The following KCNIP4 variants were observed in gnomAD, a reference collection of about 807,000 sequenced individuals.
The protein encoded by KCNIP4 is Kv channel-interacting protein 4.
In KCNIP4, 12 loss-of-function variants were observed where a neutral mutation model predicts 34.0. That is an observed-to-expected ratio of 0.35 (90% CI 0.23 to 0.57). The LOEUF (loss-of-function observed/expected upper bound fraction) is 0.57, where lower values mean the gene tolerates loss of function less well. KCNIP4 is among the 20% of genes least tolerant of loss of function. The pLI, the probability that KCNIP4 is intolerant of heterozygous loss-of-function variation, is 0.83. For missense variants in KCNIP4, 238 were observed against 311.7 expected, an observed-to-expected ratio of 0.76 and a Z score of 1.78; for synonymous variants, 124 against 102.2, an observed-to-expected ratio of 1.21 and a Z score of -1.29.
At chr4:21,105,812 T>C (rs890874215) in intron 1 of KCNIP4, among the ~76,000 whole-genome samples, 3 of 151,714 alleles carry the variant, frequency 2.0e-5, no homozygotes, top group African/African-American at 7.3e-5. Context: ...TGAAGGGTTG[T>C]TGAATTTTGT....
chr4:21,905,377 C>T (rs921570464), intron 1 of KCNIP4, among the ~76,000 whole-genome samples: 6 of 152,124 alleles, frequency 3.9e-5, no homozygotes, highest in African/African-American at 1.2e-4. Flanking sequence ...GCTGATGCAG[C>T]TTGCACATGG....
chr4:21,739,127 A>T (rs2109125328), intron 1 of KCNIP4, among the ~76,000 whole-genome samples: 1 of 152,250 alleles, frequency 6.6e-6, no homozygotes, highest in Non-Finnish European at 1.5e-5. Context: ...ACATAGACTT[A>T]TTGTAAAATT....
rs1355977617 is a variant in KCNIP4 at position 20,728,871 on chromosome 4, G to A, written c.*1211C>T. 3.9e-5 allele frequency: 6 copies of A among 152,426 alleles called. No individual in the cohort carries two copies. Among genetic ancestry groups the A allele is most frequent in the Non-Finnish European group, 5.9e-5 (4 of 68,030 alleles). The allele number at this position is 152,426 out of a possible 1,614,324, so 9.4% of individuals were successfully genotyped here. A position where few individuals can be genotyped will look rare whatever the true frequency, so the allele number is the denominator to read the frequency against. On this transcript the variant is annotated 3_prime_UTR_variant, in exon 9 of 9. Transcript: ENST00000382152. ...TGTGATATTTCTACAAAACAGGGAC[G>A]ATGTGTGTGGCTTTAGTAATGTGGC...
rs567770822 is a variant in KCNIP4 at position 20,899,661 on chromosome 4, C to G, written c.62-16952G>C. ...TGCAACTTGAAAATAATGCAATACACAAGTTTTTGTTACATTTGTCAAGAA... is the reference window on the plus strand; with the variant it reads ...TGCAACTTGAAAATAATGCAATACAGAAGTTTTTGTTACATTTGTCAAGAA... On this transcript the variant is annotated intron_variant, in intron 1 of 8. Transcript: ENST00000382152. 3.9e-4 allele frequency among the ~76,000 whole-genome samples: 59 copies of G among 152,258 alleles called. 1 individual carries two copies. Among genetic ancestry groups the G allele is most frequent in the Admixed American group, 1.8e-3 (27 of 15,294 alleles).
intron 3 of KCNIP4, among the ~76,000 whole-genome samples, chr4:20,804,498 C>T (rs1455720211): frequency 6.6e-6 from 1 of 152,058 alleles, no homozygotes; most frequent in African/African-American, 2.4e-5. Flanking sequence ...TCTTTTTCTT[C>T]TAAAACCACA....
At chr4:20,957,579 G>A (rs1012117967) in intron 1 of KCNIP4, among the ~76,000 whole-genome samples, 1 of 93,966 alleles carries the variant, frequency 1.1e-5, no homozygotes, top group Non-Finnish European at 2.2e-5. Flanking sequence ...CTAATCTGTA[G>A]CCTTCTCACC....
intron 1 of KCNIP4, among the ~76,000 whole-genome samples, chr4:21,110,697 A>T (rs555777208): frequency 1.3e-5 from 2 of 152,186 alleles, no homozygotes; most frequent in African/African-American, 2.4e-5. Context: ...TTGAGAGGCA[A>T]TTAGGTCATG....
chr4:21,501,248 T>TCTCA (rs764571152), intron 1 of KCNIP4, among the ~76,000 whole-genome samples: 102 of 104,288 alleles, frequency 9.8e-4, no homozygotes, highest in South Asian at 2.0e-3. Flanking sequence ...TCTCTCTCTC[T>TCTCA]CACACACACA....
chr4:21,193,686 C>T (rs553801458), intron 1 of KCNIP4, among the ~76,000 whole-genome samples: 1 of 151,456 alleles, frequency 6.6e-6, no homozygotes, highest in Non-Finnish European at 1.5e-5. Flanking sequence ...ATTCTCCTGC[C>T]TCAGCCTCCC....
intron 1 of KCNIP4, among the ~76,000 whole-genome samples, chr4:21,491,532 G>T (rs1472631846): frequency 6.6e-6 from 1 of 152,020 alleles, no homozygotes; most frequent in Non-Finnish European, 1.5e-5. Flanking sequence ...GTGCTACCAT[G>T]CTGGGCAAAT....
chr4:21,309,902 G>A (rs1183822835), intron 1 of KCNIP4, among the ~76,000 whole-genome samples: 6 of 152,118 alleles, frequency 3.9e-5, no homozygotes, highest in Admixed American at 1.3e-4. Context: ...TAGGGGAATC[G>A]AACTAAGATC....
intron 1 of KCNIP4, among the ~76,000 whole-genome samples, chr4:21,392,073 A>G (rs1284968334): frequency 1.3e-5 from 2 of 152,198 alleles, no homozygotes; most frequent in East Asian, 3.9e-4. Context: ...TATTTTACTG[A>G]GACTACCAAC....
At chr4:21,026,755 T>C (rs1740589693) in intron 1 of KCNIP4, among the ~76,000 whole-genome samples, 1 of 152,230 alleles carries the variant, frequency 6.6e-6, no homozygotes, top group Admixed American at 6.5e-5. Context: ...TTCTTTTTCC[T>C]GCAAGGACAA....
intron 1 of KCNIP4, among the ~76,000 whole-genome samples, chr4:21,216,869 T>A (rs1757623590): frequency 6.6e-6 from 1 of 152,180 alleles, no homozygotes; most frequent in African/African-American, 2.4e-5. Context: ...TGGGAAAGAT[T>A]TCCCAAAGAC....
intron 1 of KCNIP4, among the ~76,000 whole-genome samples, chr4:21,035,957 C>G (rs1741409688): frequency 6.6e-6 from 1 of 152,190 alleles, no homozygotes; most frequent in Admixed American, 6.5e-5. Flanking sequence ...GCCTAGCTCT[C>G]TTGCCTTAAG....
chr4:20,928,492 A>G (rs1303261723), intron 1 of KCNIP4, among the ~76,000 whole-genome samples: 5 of 151,958 alleles, frequency 3.3e-5, no homozygotes, highest in Non-Finnish European at 5.9e-5. Flanking sequence ...AAGGTTTATA[A>G]CAATAAATGC....
At chr4:20,952,827 T>G (rs1732916396) in intron 1 of KCNIP4, among the ~76,000 whole-genome samples, 1 of 152,252 alleles carries the variant, frequency 6.6e-6, no homozygotes, top group African/African-American at 2.4e-5. Flanking sequence ...CAGAATTTAT[T>G]GCTCATAGCT....
rs1178009649 is a variant in KCNIP4, at chr4:21,374,335, A to T, written c.62-491626T>A. ...GTGAAAGGCAAAAGGCACAACTTAC[A>T]TGGCAGCAGGCAAGAGAGAGAATGA... On this transcript the variant is annotated intron_variant, in intron 1 of 8. Transcript: ENST00000382152. 1.4e-5 allele frequency among the ~76,000 whole-genome samples: 2 copies of T among 147,304 alleles called. 1 individual carries two copies. Among genetic ancestry groups the T allele is most frequent in the African/African-American group, 5.4e-5 (2 of 36,938 alleles).
intron 3 of KCNIP4, among the ~76,000 whole-genome samples, chr4:20,773,513 G>A (rs981522154): frequency 2.0e-5 from 3 of 152,152 alleles, no homozygotes; most frequent in Non-Finnish European, 2.9e-5. Context: ...GAACGCTTCC[G>A]AGGGCTCTCT....
Sources: gnomAD v4.1 joint callset for allele counts (sites outside exome capture counted in the v4.1 genomes callset) on GRCh38, gnomAD v4.1.1 for gene constraint, MANE v1.5 for transcripts, NCBI Gene and HGNC (gene_info 2026-07-23, HGNC 2026-07-21) for gene names.